MPPED2: variants seen among roughly 807,000 people sequenced by gnomAD.
MPPED2 encodes the protein metallophosphoesterase MPPED2.
Under a neutral mutation model 33.0 loss-of-function variants are expected in MPPED2, and 5 were observed. The observed-to-expected ratio is 0.15, with a 90% CI of 0.08 to 0.32. The LOEUF is 0.32. MPPED2 is among the 10% of genes least tolerant of loss of function. The pLI, the probability that MPPED2 is intolerant of heterozygous loss-of-function variation, is 1.00. For missense variants in MPPED2, 275 were observed against 372.1 expected (o/e 0.74, Z 2.15); for synonymous variants, 136 against 141.9 (o/e 0.96, Z 0.29).
At chr11:30,486,546 T>TG (rs1437910644) in intron 4 of MPPED2, among the ~76,000 whole-genome samples, 1 of 152,208 alleles carries the variant, frequency 6.6e-6, no homozygotes, top group Non-Finnish European at 1.5e-5. Context: ...CGACGGTCTC[T>TG]GTAACTAAGA....
At chr11:30,563,498 A>C (rs1956318710) in intron 2 of MPPED2, among the ~76,000 whole-genome samples, 1 of 152,168 alleles carries the variant, frequency 6.6e-6, no homozygotes, top group Non-Finnish European at 1.5e-5. Flanking sequence ...TAGTGCCAAA[A>C]AATGAGAGCT....
chr11:30,409,638 C>A (rs1948041192), downstream of MPPED2, among the ~76,000 whole-genome samples: 1 of 152,170 alleles, frequency 6.6e-6, no homozygotes. Flanking sequence ...GAACATATAT[C>A]CAGAATACAA....
At chr11:30,386,173 T>C (rs1947700422) in exon 7 of MPPED2, 1 of 151,816 alleles carries the variant, frequency 6.6e-6, no homozygotes, top group African/African-American at 2.4e-5. Flanking sequence ...TTTTCAGGAG[T>C]GAAATATGAG....
intron 4 of MPPED2, among the ~76,000 whole-genome samples, chr11:30,465,931 A>G (rs1176367182): frequency 6.6e-6 from 1 of 152,210 alleles, no homozygotes; most frequent in Non-Finnish European, 1.5e-5. Context: ...ATAGGGCTTC[A>G]GTGTCTTTGA....
intron 4 of MPPED2, among the ~76,000 whole-genome samples, chr11:30,438,534 T>G (rs1035003779): frequency 1.2e-4 from 18 of 152,224 alleles, no homozygotes; most frequent in Non-Finnish European, 1.5e-5. Context: ...TGGGAATCTA[T>G]GTGCCATGTG....
At chr11:30,548,495 C>T (rs1194880916) in intron 2 of MPPED2, among the ~76,000 whole-genome samples, 1 of 152,200 alleles carries the variant, frequency 6.6e-6, no homozygotes, top group East Asian at 1.9e-4. Context: ...ACTGGGATTA[C>T]AGGTGTTAGC....
chr11:30,538,816 G>A (rs928327966), intron 2 of MPPED2, among the ~76,000 whole-genome samples: 7 of 152,112 alleles, frequency 4.6e-5, no homozygotes. Context: ...TCAAGGCAGG[G>A]GATGGGGGAA....
At chr11:30,526,776 A>T (rs1954211397) in intron 3 of MPPED2, among the ~76,000 whole-genome samples, 2 of 151,996 alleles carry the variant, frequency 1.3e-5, no homozygotes, top group Non-Finnish European at 2.9e-5. Flanking sequence ...AACTTGCATG[A>T]CTATAAACAT....
chr11:30,414,106 A>G (rs950619654), intron 6 of MPPED2, 122 bp downstream of exon 6: 14 of 660,666 alleles, frequency 2.1e-5, no homozygotes, highest in Non-Finnish European at 3.0e-5. Context: ...ATAAGACTTC[A>G]TCTTATAAAA....
chr11:30,478,691 A>C (rs1188723609), intron 4 of MPPED2, among the ~76,000 whole-genome samples: 4 of 152,162 alleles, frequency 2.6e-5, no homozygotes, highest in Non-Finnish European at 2.9e-5. Flanking sequence ...AGATTCTGAG[A>C]CGCTGTAGTC....
intron 4 of MPPED2, among the ~76,000 whole-genome samples, chr11:30,425,777 C>T (rs1948810947): frequency 6.6e-6 from 1 of 152,186 alleles, no homozygotes; most frequent in Non-Finnish European, 1.5e-5. Flanking sequence ...GTGAACTTAG[C>T]AGCCCCCAGT....
chr11:30,490,374 G>A (rs999664130), intron 4 of MPPED2, among the ~76,000 whole-genome samples: 7 of 152,188 alleles, frequency 4.6e-5, no homozygotes, highest in African/African-American at 1.7e-4. Flanking sequence ...AAGCAAATCT[G>A]TGGCTGAACT....
At chr11:30,452,816 C>T (rs1298440681) in intron 4 of MPPED2, among the ~76,000 whole-genome samples, 2 of 152,104 alleles carry the variant, frequency 1.3e-5, no homozygotes, top group African/African-American at 2.4e-5. Context: ...CTAAGTTTCT[C>T]TGCCAACATT....
intron 2 of MPPED2, among the ~76,000 whole-genome samples, chr11:30,538,361 A>T (rs918352841): frequency 6.6e-6 from 1 of 152,170 alleles, no homozygotes; most frequent in Non-Finnish European, 1.5e-5. Context: ...ATTATTTTGA[A>T]TTAGACTGAA....
chr11:30,575,200 C>G (rs935807246), intron 2 of MPPED2, among the ~76,000 whole-genome samples: 3 of 152,092 alleles, frequency 2.0e-5, no homozygotes, highest in Non-Finnish European at 4.4e-5. Flanking sequence ...GCAACACTGA[C>G]AGATACTACA....
At chr11:30,406,685 A>C (rs1238605094), downstream of MPPED2, among the ~76,000 whole-genome samples, 2 of 152,122 alleles carry the variant, frequency 1.3e-5, no homozygotes, top group Non-Finnish European at 2.9e-5. Context: ...ACAACAACAA[A>C]AATGTTTTGT....
chr11:30,532,044 T>C (rs1954553700), intron 3 of MPPED2, among the ~76,000 whole-genome samples: 1 of 152,234 alleles, frequency 6.6e-6, no homozygotes, highest in South Asian at 2.1e-4. Flanking sequence ...CAAGGCTCAG[T>C]TTCCTCACAC....
intron 2 of MPPED2, among the ~76,000 whole-genome samples, chr11:30,540,705 T>A (rs1418916984): frequency 1.3e-5 from 2 of 152,156 alleles, no homozygotes; most frequent in East Asian, 3.8e-4. Context: ...GGGAGCGGAA[T>A]CCATGGTCTT....
intron 4 of MPPED2, among the ~76,000 whole-genome samples, chr11:30,421,346 C>T (rs1373435307): frequency 6.6e-6 from 1 of 152,000 alleles, no homozygotes; most frequent in Non-Finnish European, 1.5e-5. Flanking sequence ...CCCAAAATTT[C>T]ATTTGGTTAA....
Sources: allele counts gnomAD v4.1 joint callset (sites outside exome capture counted in the v4.1 genomes callset), GRCh38; gene constraint gnomAD v4.1.1; transcripts MANE v1.5; gene names NCBI Gene and HGNC (gene_info 2026-07-23, HGNC 2026-07-21).